The following MIS18A variants were observed in gnomAD, a reference collection of about 807,000 sequenced individuals.
MIS18A encodes MIS18 kinetochore protein A.
MIS18A carries 14 observed loss-of-function variants against 25.0 expected under a neutral mutation model. The observed-to-expected ratio is 0.56, with a 90% CI of 0.37 to 0.88. The LOEUF (loss-of-function observed/expected upper bound fraction) is 0.88. MIS18A is among the 40% of genes least tolerant of loss of function. The pLI, the probability that MIS18A is intolerant of heterozygous loss-of-function variation, is 0.00. For synonymous variants in MIS18A, 134 were observed against 118.6 expected, an observed-to-expected ratio of 1.13 and a Z score of -0.84; for missense variants, 292 against 290.8, an observed-to-expected ratio of 1.00 and a Z score of -0.03.
At chr21:32,223,819 C>G in the MIS18A span, among the ~76,000 whole-genome samples, 2 of 152,068 alleles carry the variant, frequency 1.3e-5, no homozygotes, top group African/African-American at 4.8e-5. Context: ...GACAGAGACA[C>G]AACAAAAAAA....
the MIS18A span, among the ~76,000 whole-genome samples, chr21:32,255,618 G>A: frequency 2.7e-5 from 4 of 150,586 alleles, no homozygotes; most frequent in East Asian, 4.1e-4. Flanking sequence ...GGCCAGGCGC[G>A]GTGGCTCACG....
the MIS18A span, among the ~76,000 whole-genome samples, chr21:32,159,755 C>G: frequency 6.6e-6 from 1 of 152,126 alleles, no homozygotes; most frequent in African/African-American, 2.4e-5. Flanking sequence ...TGGGGGCTTC[C>G]AGGCTATAGG....
the MIS18A span, among the ~76,000 whole-genome samples, chr21:32,252,639 C>T: frequency 6.6e-6 from 1 of 152,206 alleles, no homozygotes; most frequent in Non-Finnish European, 1.5e-5. Context: ...GTATCCCTTC[C>T]TTTCTCCCTC....
At chr21:32,206,265 T>C in the MIS18A span, among the ~76,000 whole-genome samples, 1 of 152,162 alleles carries the variant, frequency 6.6e-6, no homozygotes, top group Non-Finnish European at 1.5e-5. Flanking sequence ...GTATTTTCCA[T>C]CCCTTCCATG....
At chr21:32,255,764 G>A in the MIS18A span, among the ~76,000 whole-genome samples, 17 of 151,814 alleles carry the variant, frequency 1.1e-4, no homozygotes, top group South Asian at 2.7e-3. Flanking sequence ...GGCGGTGTGC[G>A]CCTGTAGTGC....
the MIS18A span, among the ~76,000 whole-genome samples, chr21:32,196,765 T>C: frequency 2.0e-5 from 3 of 152,260 alleles, no homozygotes; most frequent in South Asian, 6.2e-4. Flanking sequence ...AGCTAATGTC[T>C]TATAATAAAT....
At chr21:32,201,557 A>C in the MIS18A span, among the ~76,000 whole-genome samples, 6 of 152,196 alleles carry the variant, frequency 3.9e-5, no homozygotes, top group Admixed American at 3.9e-4. Context: ...ACAGTAGCTC[A>C]TGCCTATAAT....
At chr21:32,241,981 C>T in the MIS18A span, among the ~76,000 whole-genome samples, 1 of 152,228 alleles carries the variant, frequency 6.6e-6, no homozygotes, top group African/African-American at 2.4e-5. Context: ...CGGGTTCACG[C>T]CACTCTCCTG....
At chr21:32,173,205 C>A in the MIS18A span, among the ~76,000 whole-genome samples, 1 of 152,248 alleles carries the variant, frequency 6.6e-6, no homozygotes, top group Admixed American at 6.5e-5. Flanking sequence ...GGAATGAATG[C>A]TCAGTATCAC....
chr21:32,276,867 C>T (rs1316842074), intron 1 of MIS18A, among the ~76,000 whole-genome samples: 6 of 152,092 alleles, frequency 3.9e-5, no homozygotes, highest in Non-Finnish European at 4.4e-5. Context: ...TTCAAGGTTA[C>T]ATACAGTGAG....
At chr21:32,186,798 T>C in the MIS18A span, among the ~76,000 whole-genome samples, 37 of 152,278 alleles carry the variant, frequency 2.4e-4, no homozygotes, top group South Asian at 7.7e-3. Flanking sequence ...TAGAAATACC[T>C]CTTTGATTCA....
chr21:32,214,686 A>G, the MIS18A span, among the ~76,000 whole-genome samples: 1 of 152,254 alleles, frequency 6.6e-6, no homozygotes, highest in African/African-American at 2.4e-5. Context: ...TCTGGAGTCC[A>G]GATTGGAAAA....
At chr21:32,221,200 T>C in the MIS18A span, among the ~76,000 whole-genome samples, 1 of 151,662 alleles carries the variant, frequency 6.6e-6, no homozygotes, top group Non-Finnish European at 1.5e-5. Flanking sequence ...AAGGTTGAAA[T>C]GAGGAAAAAA....
At chr21:32,165,287 G>T in the MIS18A span, among the ~76,000 whole-genome samples, 1 of 151,960 alleles carries the variant, frequency 6.6e-6, no homozygotes, top group Non-Finnish European at 1.5e-5. Flanking sequence ...TGGCGCCACC[G>T]CACTCCAACC....
the MIS18A span, among the ~76,000 whole-genome samples, chr21:32,235,007 C>G: frequency 7.2e-5 from 11 of 152,174 alleles, no homozygotes; most frequent in Non-Finnish European, 1.0e-4. Context: ...TCTTTCCTCT[C>G]CTCTCCTCCC....
At chr21:32,163,572 A>G in the MIS18A span, among the ~76,000 whole-genome samples, 31 of 152,234 alleles carry the variant, frequency 2.0e-4, no homozygotes, top group African/African-American at 7.5e-4. Context: ...TTGACACAGG[A>G]GCCAAGAAAA....
chr21:32,247,914 C>G, the MIS18A span, among the ~76,000 whole-genome samples: 4 of 152,228 alleles, frequency 2.6e-5, no homozygotes, highest in Non-Finnish European at 4.4e-5. Flanking sequence ...CCTACTCAGG[C>G]TTCCAGGCTG....
the MIS18A span, among the ~76,000 whole-genome samples, chr21:32,227,699 A>G: frequency 6.6e-6 from 1 of 152,348 alleles, no homozygotes; most frequent in African/African-American, 2.4e-5. Flanking sequence ...TTCCCAACTC[A>G]TTCTATGAAG....
At chr21:32,165,327 C>T in the MIS18A span, among the ~76,000 whole-genome samples, 2 of 151,368 alleles carry the variant, frequency 1.3e-5, no homozygotes, top group African/African-American at 2.4e-5. Flanking sequence ...ACATGAAGAA[C>T]ATAGAAGCCC....
Sources: allele counts gnomAD v4.1 joint callset (sites outside exome capture counted in the v4.1 genomes callset), GRCh38; gene constraint gnomAD v4.1.1; transcripts MANE v1.5; gene names NCBI Gene and HGNC (gene_info 2026-07-23, HGNC 2026-07-21).